The following NPR2 variants were observed in gnomAD, a reference collection of about 807,000 sequenced individuals.
The protein encoded by NPR2 is natriuretic peptide receptor 2, also known as atrial natriuretic peptide receptor 2.
NPR2 carries 49 observed loss-of-function variants against 120.7 expected under a neutral mutation model. That is an observed-to-expected ratio of 0.41 (90% CI 0.32 to 0.52). The LOEUF (loss-of-function observed/expected upper bound fraction) is 0.52. NPR2 is among the 20% of genes least tolerant of loss of function. NPR2 has a pLI of 0.36. For synonymous variants in NPR2, 484 were observed against 519.8 expected (o/e 0.93, Z 0.94); for missense variants, 931 against 1,362.9 (o/e 0.68, Z 4.99).
At position 35,801,680 on chromosome 9, in the gene NPR2, T is replaced by C; in HGVS notation, c.1474T>C (p.Trp492Arg). The C allele has an allele frequency of 6.2e-7, 1 of 1,614,172 alleles. No homozygotes were observed. Among genetic ancestry groups the C allele is most frequent in the Non-Finnish European group, 8.5e-7 (1 of 1,179,982 alleles). ...GGAGAAGGAGCTGGCTAGCATGTTG[T>C]GGCGTATTCGCTGGGAAGAACTGCA... is the stretch of plus-strand genomic sequence containing the variant. ...MLEKELASML[W>R]RIRWEELQFG... Residue 492 changes from tryptophan to arginine, a missense_variant, in exon 8 of 22, where the codon TGG (tryptophan) becomes CGG (arginine). This residue lies in a region of NPR2 where 681 missense variants were observed against 974.3 expected (regional missense o/e 0.70). Coordinates refer to ENST00000342694, the MANE Select transcript of NPR2 (RefSeq NM_003995.4).
At chr9:35,799,760 C>T (rs1828074432) in intron 3 of NPR2, 29 bp downstream of exon 3, 2 of 1,571,590 alleles carry the variant, frequency 1.3e-6, no homozygotes, top group Non-Finnish European at 1.8e-6. Context: ...TCCTGAGAGT[C>T]AGGTCAAGCT....
chr9:35,806,199 G>A lies in NPR2; in HGVS notation c.2338G>A (p.Gly780Arg), dbSNP rs1232221557. The A allele has an allele frequency of 6.2e-7, 1 of 1,614,222 alleles. No individual in the cohort carries two copies. Among genetic ancestry groups the A allele is most frequent in the Non-Finnish European group, 8.5e-7 (1 of 1,180,044 alleles). ...GGACCCAGCTGAGCGGCCAGACTTT[G>A]GACAGATTAAGGGCTTCATTCGGCG... ...AQDPAERPDF[G>R]QIKGFIRRFN... Residue 780 changes from glycine (G) to arginine (R), a missense_variant, in exon 15 of 22, where the codon GGA becomes AGA. Around this residue, in one of 3 missense-constraint regions of NPR2, gnomAD observed 66 missense variants for 60.3 expected, o/e 1.09. Coordinates refer to ENST00000342694, the MANE Select transcript of NPR2 (RefSeq NM_003995.4). This position sits in a 1 kb window ranked among gnomAD's most constrained non-coding sequence, Gnocchi z 4.6.
Position 35,806,641 on chromosome 9 carries a change from T to C in NPR2, c.2519+103T>C. ...ACTCGCCTCCCCACCCTCAGAACCCTGCTGGCCACAGGGAGCACCCCTGCT... is the reference window on the plus strand; with the variant it reads ...ACTCGCCTCCCCACCCTCAGAACCCCGCTGGCCACAGGGAGCACCCCTGCT... On this transcript the variant is annotated intron_variant, in intron 16 of 21. Transcript: ENST00000342694. This position sits in a 1 kb window ranked among gnomAD's most constrained non-coding sequence, Gnocchi z 4.6. The C allele has an allele frequency of 1.5e-6, 2 of 1,294,964 alleles. No individual in the cohort carries two copies. Among genetic ancestry groups the C allele is most frequent in the Non-Finnish European group, 2.2e-6 (2 of 894,004 alleles). 80.2% of individuals were successfully genotyped at this position (1,294,964 alleles called of 1,614,324 possible). A position where few individuals can be genotyped will look rare whatever the true frequency, so the allele number is the denominator to read the frequency against.
rs1330908930 is a variant in NPR2, at chr9:35,800,500, C to G, written c.1218+17C>G. ...GACTTTCAGGTGATGGAGGAGGAGG[C>G]AGGGAAGAGAGTGTGGCCCTGCAAA... is the stretch of plus-strand genomic sequence containing the variant. On this transcript the variant is annotated intron_variant, in intron 5 of 21. Coordinates refer to ENST00000342694, the MANE Select transcript of NPR2 (RefSeq NM_003995.4). This position sits in a 1 kb window ranked among gnomAD's most constrained non-coding sequence, Gnocchi z 4.7. 1 of 1,605,460 alleles carries G rather than the reference C, an allele frequency of 6.2e-7. No individual in the cohort carries two copies. Among genetic ancestry groups the G allele is most frequent in the African/African-American group, 1.3e-5 (1 of 74,802 alleles).
Position 35,802,547 on chromosome 9 carries a change from C to T in NPR2, c.1755C>T (p.Ala585=). 6.2e-7 allele frequency: 1 copy of T among 1,610,596 alleles called. No homozygotes were observed. The highest frequency in any genetic ancestry group is 8.5e-7 in the Non-Finnish European group (1 of 1,176,780). ...QFNHLTRFIG[A]CIDPPNICIV... is the part of the protein sequence containing the mutation. The stretch of plus-strand genomic sequence containing the variant: ...ACCATCTCACTCGCTTCATTGGCGC[C>T]TGCATAGACCCTCCCAACATTTGCA... The change falls in exon 11 of 22, where the codon GCC becomes GCT. Residue 585 remains alanine, a synonymous_variant. Transcript: ENST00000342694. The surrounding 1 kb of genome is among the most constrained non-coding windows in gnomAD (Gnocchi z 4.2).
At position 35,799,626 on chromosome 9, in the gene NPR2, G is replaced by A; in HGVS notation, c.882G>A (p.Leu294=). The A allele has an allele frequency of 6.2e-6, 10 of 1,611,072 alleles. No individual in the cohort carries two copies. Among genetic ancestry groups the A allele is most frequent in the Non-Finnish European group, 8.5e-6 (10 of 1,177,382 alleles). The change falls in exon 3 of 22, where the codon TTG becomes TTA. Residue 294 remains leucine (L), a synonymous_variant. Coordinates refer to ENST00000342694, the MANE Select transcript of NPR2 (RefSeq NM_003995.4). ...QALREAFQTV[L]VITYREPPNP... ...ATATGCTGCTGGTACAGACTGTATT[G>A]GTGATCACGTACCGAGAACCCCCAA...
Position 35,799,641 on chromosome 9 carries a change from A to T in NPR2, c.897A>T (p.Arg299=), listed in dbSNP as rs1200672963. 19 of 1,613,806 alleles carry T rather than the reference A, an allele frequency of 1.2e-5. No individual in the cohort carries two copies. Among genetic ancestry groups the T allele is most frequent in the Admixed American group, 1.7e-5 (1 of 59,996 alleles). The change falls in exon 3 of 22, where the codon CGA becomes CGT. Residue 299 remains arginine (R), a synonymous_variant. Coordinates refer to ENST00000342694, the MANE Select transcript of NPR2 (RefSeq NM_003995.4). ...AFQTVLVITY[R]EPPNPEYQEF... The stretch of plus-strand genomic sequence containing the variant: ...AGACTGTATTGGTGATCACGTACCG[A>T]GAACCCCCAAATCCTGAGTATCAGG...
Position 35,793,883 on chromosome 9 carries a change from T to C in NPR2, c.668-15T>C, listed in dbSNP as rs754154136. 2.5e-6 allele frequency: 4 copies of C among 1,614,048 alleles called. No individual in the cohort carries two copies. Among genetic ancestry groups the C allele is most frequent in the East Asian group, 4.5e-5 (2 of 44,892 alleles). ...ACCTTCTCAGGGTGCTCCTCTGTCA[T>C]GTACCTGCTCCCAGTTGTGTATATC... On this transcript the variant is annotated splice_polypyrimidine_tract_variant and intron_variant, in intron 1 of 21. Transcript: ENST00000342694.
intron 17 of NPR2, 42 bp downstream of exon 17, chr9:35,807,188 G>GGGGGC: frequency 2.2e-6 from 1 of 464,602 alleles, no homozygotes. Context: ...GGTTGGGTGG[G>GGGGGC]TAGGGACCTG....
At position 35,791,669 on chromosome 9, in the gene NPR2, G is replaced by C. The variant is rs1488513151; in HGVS notation, c.-740G>C. On this transcript the variant is annotated 5_prime_UTR_variant, in exon 1 of 22. Transcript: ENST00000342694. ...GACCTGACCCGGACGAGCGGCGCGCGCGGGGCCCAGGCGGGGGGCGGGAGG... is the reference window on the plus strand; with the variant it reads ...GACCTGACCCGGACGAGCGGCGCGCCCGGGGCCCAGGCGGGGGGCGGGAGG... 1.0e-4 allele frequency among the ~76,000 whole-genome samples: 15 copies of C among 146,882 alleles called. No individual in the cohort carries two copies. Among genetic ancestry groups the C allele is most frequent in the Non-Finnish European group, 2.3e-4 (15 of 65,886 alleles).
Position 35,802,769 on chromosome 9 carries a change from T to C in NPR2, c.1853T>C (p.Met618Thr). 6.2e-7 allele frequency: 1 copy of C among 1,613,120 alleles called. No homozygotes were observed. Among genetic ancestry groups the C allele is most frequent in the Admixed American group, 1.7e-5 (1 of 60,030 alleles). The change falls in exon 12 of 22, where the codon ATG becomes ACG. Residue 618 changes from methionine (M) to threonine (T), a missense_variant. By Grantham distance (81) the Met-to-Thr change is moderately conservative (BLOSUM62 -1). Around this residue, in one of 3 missense-constraint regions of NPR2, gnomAD observed 681 missense variants for 974.3 expected, o/e 0.70. Coordinates refer to ENST00000342694, the MANE Select transcript of NPR2 (RefSeq NM_003995.4). The surrounding 1 kb of genome is among the most constrained non-coding windows in gnomAD (Gnocchi z 4.2). ...AATGACAGCATCAACTTGGACTGGATGTTTCGTTATTCACTCATTAATGAC... is the reference window on the plus strand; with the variant it reads ...AATGACAGCATCAACTTGGACTGGACGTTTCGTTATTCACTCATTAATGAC... ...LENDSINLDWMFRYSLINDLV... is the reference protein window; with the variant it reads ...LENDSINLDWTFRYSLINDLV...
At chr9:35,796,784 C>G (rs1827957669) in intron 2 of NPR2, among the ~76,000 whole-genome samples, 1 of 152,134 alleles carries the variant, frequency 6.6e-6, no homozygotes, top group African/African-American at 2.4e-5. Flanking sequence ...CCCCCACCTT[C>G]CAATGGGGAA....
At position 35,806,521 on chromosome 9, in the gene NPR2, C is replaced by G. The variant is rs562217472; in HGVS notation, c.2502C>G (p.Leu834=). 6.2e-7 allele frequency: 1 copy of G among 1,614,224 alleles called. No individual in the cohort carries two copies. The highest frequency in any genetic ancestry group is 1.3e-5 in the African/African-American group (1 of 75,066). The change falls in exon 16 of 22, where the codon CTC becomes CTG. Residue 834 remains leucine (L), a synonymous_variant. Coordinates refer to ENST00000342694, the MANE Select transcript of NPR2 (RefSeq NM_003995.4). The surrounding 1 kb of genome is among the most constrained non-coding windows in gnomAD (Gnocchi z 4.6). ...AAAAACGCAAGGCTGAAGCTCTGCT[C>G]TACCAAATCCTACCCCAGTGAGACT... is the stretch of plus-strand genomic sequence containing the variant. ...LEEKRKAEAL[L]YQILPHSVAE... is the part of the protein sequence containing the mutation.
In NPR2 at chr9:35,800,961, C is replaced by G; in HGVS notation, c.1352-109C>G. The G allele has an allele frequency of 1.3e-6, 2 of 1,540,220 alleles. No individual in the cohort carries two copies. The highest frequency in any genetic ancestry group is 2.2e-5 in the South Asian group (2 of 89,536). Reference sequence around the variant, plus strand: ...TGCCTTTACGTCTGCATCCCTCCCTCCTCATTTCTTCCTACTCCCAAGGAG... The same window carrying G: ...TGCCTTTACGTCTGCATCCCTCCCTGCTCATTTCTTCCTACTCCCAAGGAG... On this transcript the variant is annotated intron_variant, in intron 6 of 21. Transcript: ENST00000342694. This position sits in a 1 kb window ranked among gnomAD's most constrained non-coding sequence, Gnocchi z 4.7.
chr9:35,794,623 TAGTC>T (rs767491248), intron 2 of NPR2, among the ~76,000 whole-genome samples: 3 of 152,094 alleles, frequency 2.0e-5, no homozygotes, highest in Non-Finnish European at 4.4e-5. Context: ...GTCATATTCA[TAGTC>T]AGAGTGGGAG....
chr9:35,796,889 A>G (rs566932550), intron 2 of NPR2, among the ~76,000 whole-genome samples: 19 of 152,332 alleles, frequency 1.2e-4, no homozygotes, highest in African/African-American at 4.3e-4. Context: ...TGGCCCTCTG[A>G]GGTCCCAGAC....
At position 35,802,225 on chromosome 9, in the gene NPR2, A is replaced by G; in HGVS notation, c.1652A>G (p.Lys551Arg). 6.2e-7 allele frequency: 1 copy of G among 1,608,042 alleles called. No individual in the cohort carries two copies. Among genetic ancestry groups the G allele is most frequent in the Non-Finnish European group, 8.5e-7 (1 of 1,174,602 alleles). ...GHFKGNVVAI[K>R]HVNKKRIELT... ...CATCAGGGAAATGTTGTCGCCATCA[A>G]ACATGTGAATAAGAAGCGCATTGAG... The change falls in exon 10 of 22, where the codon AAA becomes AGA. Residue 551 changes from lysine (K) to arginine (R), a missense_variant. Transcript: ENST00000342694. The surrounding 1 kb of genome is among the most constrained non-coding windows in gnomAD (Gnocchi z 4.2).
At chr9:35,794,157 A>T in intron 2 of NPR2, 54 bp downstream of exon 2, 1 of 1,535,334 alleles carries the variant, frequency 6.5e-7, no homozygotes, top group Non-Finnish European at 8.9e-7. Context: ...TTCGCTGGAA[A>T]TTCTCTCTCA....
At chr9:35,801,183 T>A (rs1267811399) in intron 7 of NPR2, 29 bp downstream of exon 7, 1 of 1,536,460 alleles carries the variant, frequency 6.5e-7, no homozygotes, top group East Asian at 2.2e-5. Context: ...GCTGACCTAC[T>A]CCCTGCCCCC....
Sources: gnomAD v4.1 joint callset for allele counts (sites outside exome capture counted in the v4.1 genomes callset) on GRCh38, gnomAD v4.1.1 for gene constraint, gnomAD v4.1.1 regional missense constraint, Gnocchi (gnomAD v3.1) non-coding constraint, MANE v1.5 for transcripts, NCBI Gene and HGNC (gene_info 2026-07-23, HGNC 2026-07-21) for gene names.